TPX2: variants seen among roughly 807,000 people sequenced by gnomAD.
The protein encoded by TPX2 is TPX2 microtubule nucleation factor.
Under a neutral mutation model 93.6 loss-of-function variants are expected in TPX2, and 21 were observed. The observed-to-expected ratio is 0.22, with a 90% CI of 0.16 to 0.32. The LOEUF (loss-of-function observed/expected upper bound fraction) is 0.32. Ranked by LOEUF, TPX2 falls within the 10% of genes least tolerant of loss-of-function variation. The pLI, the probability that TPX2 is intolerant of heterozygous loss-of-function variation, is 1.00. For synonymous variants in TPX2, 281 were observed against 298.3 expected (o/e 0.94, Z 0.60); for missense variants, 776 against 871.1 (o/e 0.89, Z 1.37).
intron 7 of TPX2, among the ~76,000 whole-genome samples, chr20:31,773,304 A>G (rs968834216): frequency 2.0e-5 from 3 of 151,968 alleles, no homozygotes; most frequent in Non-Finnish European, 2.9e-5. Flanking sequence ...GGCACCTGCC[A>G]CCACACCTGG....
At chr20:31,788,806 G>A (rs988995888) in intron 12 of TPX2, among the ~76,000 whole-genome samples, 1 of 152,190 alleles carries the variant, frequency 6.6e-6, no homozygotes, top group Non-Finnish European at 1.5e-5. Flanking sequence ...TGGATGTGGT[G>A]TCAGTGAGAC....
chr20:31,743,920 CA>C (rs957385906), intron 2 of TPX2, among the ~76,000 whole-genome samples: 52 of 151,570 alleles, frequency 3.4e-4, no homozygotes, highest in Middle Eastern at 3.4e-3. Flanking sequence ...GGGGTTTCTC[CA>C]TGTTGGTCAG....
At chr20:31,755,035 G>A (rs548439660) in intron 2 of TPX2, among the ~76,000 whole-genome samples, 1 of 152,222 alleles carries the variant, frequency 6.6e-6, no homozygotes, top group African/African-American at 2.4e-5. Context: ...TGCAACCTCC[G>A]CTGCCTGCGT....
chr20:31,772,081 C>T (rs1254756179), intron 7 of TPX2, among the ~76,000 whole-genome samples: 3 of 146,112 alleles, frequency 2.1e-5, no homozygotes, highest in African/African-American at 7.8e-5. Flanking sequence ...AGTGCAGTGG[C>T]ATGATCTTGG....
At chr20:31,772,923 T>A (rs1295918766) in intron 7 of TPX2, among the ~76,000 whole-genome samples, 1 of 151,960 alleles carries the variant, frequency 6.6e-6, no homozygotes, top group Non-Finnish European at 1.5e-5. Flanking sequence ...TGATATTTAT[T>A]GCCAATTTTA....
At chr20:31,758,400 G>A (rs770642130) in intron 3 of TPX2, among the ~76,000 whole-genome samples, 5 of 152,176 alleles carry the variant, frequency 3.3e-5, no homozygotes, top group Middle Eastern at 3.2e-3. Flanking sequence ...GATTACAGGC[G>A]TGAGCCACTG....
chr20:31,773,423 T>C (rs1274086768), intron 7 of TPX2, among the ~76,000 whole-genome samples: 3 of 146,320 alleles, frequency 2.1e-5, no homozygotes, highest in African/African-American at 7.4e-5. Flanking sequence ...AGTGCTGGGA[T>C]TACAGGTGTG....
intron 8 of TPX2, among the ~76,000 whole-genome samples, chr20:31,776,230 G>A (rs35760006): frequency 0.08 from 12,128 of 150,834 alleles, 605 homozygotes; most frequent in Middle Eastern, 0.16. Context: ...ACAGGCGCCC[G>A]CCACCGCGCC....
chr20:31,798,793 G>C (rs1363647003), intron 17 of TPX2, among the ~76,000 whole-genome samples: 1 of 152,160 alleles, frequency 6.6e-6, no homozygotes, highest in African/African-American at 2.4e-5. Context: ...GAACCAACCT[G>C]TCAGTTACAA....
intron 10 of TPX2, among the ~76,000 whole-genome samples, chr20:31,781,936 G>T (rs1402926210): frequency 6.6e-6 from 1 of 151,910 alleles, no homozygotes; most frequent in Non-Finnish European, 1.5e-5. Flanking sequence ...GTGAGACCCT[G>T]TCTCAAAAAA....
chr20:31,783,429 T>C (rs2062046690), intron 11 of TPX2, among the ~76,000 whole-genome samples: 4 of 151,894 alleles, frequency 2.6e-5, no homozygotes. Context: ...TTTTGTATTT[T>C]TAGTAGAGAT....
intron 11 of TPX2, among the ~76,000 whole-genome samples, 166 bp downstream of exon 11, chr20:31,782,556 G>T (rs2062039563): frequency 6.6e-6 from 1 of 152,124 alleles, no homozygotes; most frequent in Non-Finnish European, 1.5e-5. Context: ...AAGGACTATA[G>T]TGGGAATATG....
intron 2 of TPX2, among the ~76,000 whole-genome samples, chr20:31,752,478 G>A (rs1482755481): frequency 6.6e-6 from 1 of 152,150 alleles, no homozygotes; most frequent in Non-Finnish European, 1.5e-5. Context: ...CTTGACTTCA[G>A]CCATGTTAAT....
intron 2 of TPX2, among the ~76,000 whole-genome samples, chr20:31,752,380 C>G (rs1028025520): frequency 6.6e-6 from 1 of 152,318 alleles, no homozygotes; most frequent in Admixed American, 6.5e-5. Context: ...CTACCCCAAG[C>G]TTGGAAAGTG....
intron 2 of TPX2, among the ~76,000 whole-genome samples, chr20:31,750,515 G>C (rs1306387981): frequency 2.0e-5 from 3 of 149,770 alleles, no homozygotes; most frequent in African/African-American, 7.4e-5. Flanking sequence ...TCTCACACTG[G>C]AGTGCAGTGG....
intron 10 of TPX2, among the ~76,000 whole-genome samples, chr20:31,780,712 A>G (rs956153341): frequency 6.6e-6 from 1 of 152,198 alleles, no homozygotes; most frequent in Non-Finnish European, 1.5e-5. Flanking sequence ...TATATTAGTT[A>G]TGAAAATTGA....
intron 2 of TPX2, among the ~76,000 whole-genome samples, chr20:31,743,708 A>G (rs1428808559): frequency 2.0e-5 from 3 of 149,608 alleles, no homozygotes; most frequent in African/African-American, 7.5e-5. Flanking sequence ...AAGTCTGTAC[A>G]TATGCAGTAC....
chr20:31,755,907 C>T (rs2061848773), intron 2 of TPX2, among the ~76,000 whole-genome samples: 1 of 152,208 alleles, frequency 6.6e-6, no homozygotes, highest in African/African-American at 2.4e-5. Flanking sequence ...TAAACCTTCA[C>T]AGGTTTCCAC....
In TPX2 at chr20:31,775,976, C is replaced by G; in HGVS notation, c.718C>G (p.Leu240Val). The G allele has an allele frequency of 6.6e-7, 1 of 1,511,150 alleles. No homozygotes were observed. The allele number at this position is 1,511,150 out of a possible 1,614,324, so 93.6% of individuals were successfully genotyped here. ...GAATGAAGAATTCAAGAAACTTGCT[C>G]TGGCTGGAATAGGTGAGCTTGGCTG... ...KKNEEFKKLALAGIGQPVKKS... is the reference protein window; with the variant it reads ...KKNEEFKKLAVAGIGQPVKKS... The change falls in exon 8 of 18, where the codon CTG becomes GTG. Residue 240 changes from leucine to valine, a missense_variant. By Grantham distance (32) the Leu-to-Val change is conservative. Around this residue, in one of 3 missense-constraint regions of TPX2, gnomAD observed 279 missense variants for 261.6 expected, o/e 1.07. Coordinates refer to ENST00000300403, the MANE Select transcript of TPX2 (RefSeq NM_012112.5).
Sources: gnomAD v4.1 joint callset for allele counts (sites outside exome capture counted in the v4.1 genomes callset) on GRCh38, gnomAD v4.1.1 for gene constraint, gnomAD v4.1.1 regional missense constraint, MANE v1.5 for transcripts, NCBI Gene and HGNC (gene_info 2026-07-23, HGNC 2026-07-21) for gene names.